INPP4A: variants seen among roughly 807,000 people sequenced by gnomAD.
The protein encoded by INPP4A is inositol polyphosphate-4-phosphatase, type I, 107kD.
INPP4A carries 33 observed loss-of-function variants against 119.8 expected under a neutral mutation model. The ratio of observed to expected loss-of-function variants is 0.28; its 90% confidence interval spans 0.21 to 0.37. The LOEUF is 0.37. Among genes scored for constraint, INPP4A ranks in the 10% least tolerant of loss-of-function variants. The probability of loss-of-function intolerance (pLI) is 1.00; values close to 1 mark genes in which losing one functional copy is unlikely to be tolerated. For missense variants in INPP4A, 956 were observed against 1,289.9 expected (o/e 0.74, Z 3.97); for synonymous variants, 496 against 500.7 (o/e 0.99, Z 0.12).
intron 1 of INPP4A, among the ~76,000 whole-genome samples, chr2:98,484,949 C>G (rs937764084): frequency 6.6e-6 from 1 of 152,068 alleles, no homozygotes; most frequent in Non-Finnish European, 1.5e-5. Context: ...GGTAATGCTG[C>G]AGTGAGCATC....
chr2:98,462,670 T>C lies in INPP4A; in HGVS notation c.-166+17585T>C, dbSNP rs183010452. Reference sequence around the variant, plus strand: ...CCTCCTGAGTAGCTGGGACTACAGGTGTATGCCACCATGCCTGGCTAATTT... The same window carrying C: ...CCTCCTGAGTAGCTGGGACTACAGGCGTATGCCACCATGCCTGGCTAATTT... On this transcript the variant is annotated intron_variant, in intron 1 of 24. Transcript: ENST00000409851. Among the ~76,000 whole-genome samples, 45 of 151,204 alleles carry C rather than the reference T, an allele frequency of 3.0e-4. No individual in the cohort carries two copies. The East Asian group carries it at 7.7e-3, about 26-fold the overall frequency.
At chr2:98,457,691 T>C (rs1425132937) in intron 1 of INPP4A, among the ~76,000 whole-genome samples, 1 of 152,206 alleles carries the variant, frequency 6.6e-6, no homozygotes, top group African/African-American at 2.4e-5. Context: ...AAACAGGAGT[T>C]TGGTTTATTA....
At chr2:98,555,912 G>T in intron 16 of INPP4A, 104 bp downstream of exon 16, 1 of 1,355,536 alleles carries the variant, frequency 7.4e-7, no homozygotes, top group Non-Finnish European at 9.9e-7. Flanking sequence ...CATGCAGACT[G>T]CAGGGAGGGC....
chr2:98,587,387 G>T, intron 24 of INPP4A, 89 bp from the exon 25 acceptor site: 1 of 1,254,500 alleles, frequency 8.0e-7, no homozygotes, highest in African/African-American at 1.5e-5. Flanking sequence ...TTAATGTTAT[G>T]AAAATGATCA....
At position 98,448,239 on chromosome 2, in the gene INPP4A, C is replaced by T. The variant is rs187287001; in HGVS notation, c.-166+3154C>T. On this transcript the variant is annotated intron_variant, in intron 1 of 24. Coordinates refer to ENST00000409851, the MANE Select transcript of INPP4A (RefSeq NM_001134225.2). Reference sequence around the variant, plus strand: ...GGTATAGTGGCGTGTGCTCGTAGTCCGAGCTACTTGGGAGGCTAAGGCATG... The same window carrying T: ...GGTATAGTGGCGTGTGCTCGTAGTCTGAGCTACTTGGGAGGCTAAGGCATG... 3.8e-3 allele frequency among the ~76,000 whole-genome samples: 573 copies of T among 150,424 alleles called. 3 individuals carry two copies. The highest frequency in any genetic ancestry group is 0.013 in the African/African-American group (536 of 40,886).
chr2:98,575,560 G>C (rs977376476), intron 23 of INPP4A, among the ~76,000 whole-genome samples: 1 of 152,004 alleles, frequency 6.6e-6, no homozygotes, highest in African/African-American at 2.4e-5. Flanking sequence ...TTGTTGGTCT[G>C]TTCTCAGAAG....
chr2:98,516,598 G>A (rs1406468916), intron 1 of INPP4A, among the ~76,000 whole-genome samples: 2 of 152,106 alleles, frequency 1.3e-5, no homozygotes. Context: ...GGGGGTGACC[G>A]ACACCTTCAC....
At chr2:98,549,095 C>T (rs1261121082) in intron 13 of INPP4A, 9 of 787,116 alleles carry the variant, frequency 1.1e-5, no homozygotes, top group Admixed American at 2.7e-5. Flanking sequence ...CCTAGTTATA[C>T]ACCTCATAAA....
At chr2:98,458,137 A>G (rs1696480491) in intron 1 of INPP4A, among the ~76,000 whole-genome samples, 1 of 152,120 alleles carries the variant, frequency 6.6e-6, no homozygotes, top group Non-Finnish European at 1.5e-5. Context: ...CGTTTAAACA[A>G]GGCTTGAGCC....
At chr2:98,454,395 T>C (rs1354716187) in intron 1 of INPP4A, among the ~76,000 whole-genome samples, 1 of 152,176 alleles carries the variant, frequency 6.6e-6, no homozygotes, top group Non-Finnish European at 1.5e-5. Flanking sequence ...TGTTTGTTTT[T>C]TGGGGGTAGG....
rs371654927 is a variant in INPP4A, at chr2:98,564,750, G to C, written c.2139G>C (p.Leu713=). Residue 713 remains leucine, a synonymous_variant, in exon 19 of 25, where the codon CTG becomes CTC. Coordinates refer to ENST00000409851, the MANE Select transcript of INPP4A (RefSeq NM_001134225.2). ...GGCTGCTGGCCCAGTTCGAGAGCCTGCTGAGCACCTACGGTGAGGCGCCCG... is the reference window on the plus strand; with the variant it reads ...GGCTGCTGGCCCAGTTCGAGAGCCTCCTGAGCACCTACGGTGAGGCGCCCG... ...TIGLLAQFES[L]LSTYGEELAM... The C allele has an allele frequency of 6.3e-7, 1 of 1,594,170 alleles. No individual in the cohort carries two copies. The highest frequency in any genetic ancestry group is 1.3e-5 in the African/African-American group (1 of 74,490).
rs138581911 is a variant in INPP4A at position 98,474,450 on chromosome 2, G to T, written c.-166+29365G>T. On this transcript the variant is annotated intron_variant, in intron 1 of 24. Coordinates refer to ENST00000409851, the MANE Select transcript of INPP4A (RefSeq NM_001134225.2). ...ATCTTAAAGATCCAGTTCCACCTGTGCTACGAAGAGCCCTGGGTGGGATGA... is the reference window on the plus strand; with the variant it reads ...ATCTTAAAGATCCAGTTCCACCTGTTCTACGAAGAGCCCTGGGTGGGATGA... 1.3e-4 allele frequency among the ~76,000 whole-genome samples: 20 copies of T among 152,346 alleles called. 1 individual carries two copies. The East Asian group carries it at 3.9e-3, about 29-fold the overall frequency.
In INPP4A at chr2:98,552,804, G is replaced by T. The variant is rs1693771388; in HGVS notation, c.1182G>T (p.Gln394His). 6.2e-7 allele frequency: 1 copy of T among 1,613,360 alleles called. No individual in the cohort carries two copies. The highest frequency in any genetic ancestry group is 2.2e-5 in the East Asian group (1 of 44,866). The change falls in exon 14 of 25, where the codon CAG (glutamine) becomes CAT (histidine). Residue 394 changes from glutamine to histidine, a missense_variant. By Grantham distance (24) the Gln-to-His change is conservative. This residue lies in a region of INPP4A where 652 missense variants were observed against 797.9 expected (regional missense o/e 0.82). Coordinates refer to ENST00000409851, the MANE Select transcript of INPP4A (RefSeq NM_001134225.2). ...TTTCCAGTACATCATCTGGCTGCCA[G>T]TCCATAATCTACATACCCCAGGATG... The part of the protein sequence containing the change: ...ETKKHTSSGC[Q>H]SIIYIPQDVV...
intron 1 of INPP4A, among the ~76,000 whole-genome samples, chr2:98,508,269 A>G (rs1684463392): frequency 6.6e-6 from 1 of 152,212 alleles, no homozygotes. Flanking sequence ...TGGGTGGAAG[A>G]AGAAAAGGGA....
intron 1 of INPP4A, among the ~76,000 whole-genome samples, chr2:98,517,344 A>G (rs1255291201): frequency 1.3e-5 from 2 of 152,188 alleles, no homozygotes; most frequent in Non-Finnish European, 2.9e-5. Context: ...TTTGGTGAGC[A>G]TAAGTGTGCG....
chr2:98,556,388 C>T (rs766248299), intron 16 of INPP4A, among the ~76,000 whole-genome samples: 6 of 152,216 alleles, frequency 3.9e-5, no homozygotes, highest in Non-Finnish European at 8.8e-5. Flanking sequence ...GGTGGTTTGG[C>T]AGGACCCTTC....
intron 4 of INPP4A, among the ~76,000 whole-genome samples, chr2:98,523,284 T>C (rs1183450792): frequency 6.6e-6 from 1 of 152,182 alleles, no homozygotes; most frequent in East Asian, 1.9e-4. Context: ...AACAGTAATA[T>C]AGTCATGTTA....
chr2:98,492,175 C>CGGTGTG (rs1680944496), intron 1 of INPP4A, among the ~76,000 whole-genome samples: 1 of 152,104 alleles, frequency 6.6e-6, no homozygotes, highest in Non-Finnish European at 1.5e-5. Context: ...CGGTGTGAGC[C>CGGTGTG]ACCGACAACT....
At chr2:98,497,003 A>G (rs112038698) in intron 1 of INPP4A, among the ~76,000 whole-genome samples, 1,585 of 152,098 alleles carry the variant, frequency 0.01, 45 homozygotes, top group African/African-American at 0.036. Context: ...TTTCCACCCT[A>G]CTCTTAGCAG....
Sources: allele counts gnomAD v4.1 joint callset (sites outside exome capture counted in the v4.1 genomes callset), GRCh38; gene constraint gnomAD v4.1.1; regional missense constraint gnomAD v4.1.1; transcripts MANE v1.5; gene names NCBI Gene and HGNC (gene_info 2026-07-23, HGNC 2026-07-21).